Variants in JADE3 observed in about 807,000 individuals in gnomAD.
JADE3 encodes the protein jade family PHD finger 3.
A neutral mutation model predicts 50.1 loss-of-function variants in JADE3; 2 were observed. The observed-to-expected ratio is 0.04, with a 90% CI of 0.02 to 0.13. The LOEUF (loss-of-function observed/expected upper bound fraction) is 0.13. Among genes scored for constraint, JADE3 ranks in the 10% least tolerant of loss-of-function variants. The pLI is 1.00. For missense variants in JADE3, 475 were observed against 634.4 expected, an observed-to-expected ratio of 0.75 and a Z score of 2.70; for synonymous variants, 218 against 232.9, an observed-to-expected ratio of 0.94 and a Z score of 0.58.
At chrX:47,055,692 C>T (rs781938978) in intron 9 of JADE3, among the ~76,000 whole-genome samples, 12 of 111,754 alleles carry the variant, frequency 1.1e-4, no homozygotes, top group Non-Finnish European at 1.9e-4. Flanking sequence ...GTATCCTGCT[C>T]GTCCGGCACT....
At chrX:46,968,944 A>G (rs1927424985) in intron 1 of JADE3, among the ~76,000 whole-genome samples, 1 of 112,402 alleles carries the variant, frequency 8.9e-6, no homozygotes, top group Non-Finnish European at 1.9e-5. Flanking sequence ...GATTTAATTG[A>G]CATTTATAGA....
chrX:46,985,688 A>G (rs1927845361), intron 2 of JADE3, 25 bp from the exon 3 acceptor site: 5 of 1,032,535 alleles, frequency 4.8e-6, no homozygotes, highest in Middle Eastern at 2.8e-4. Flanking sequence ...GTGTCTCAGT[A>G]TTTTTTTCTA....
chrX:46,936,312 C>A (rs1926624012), intron 1 of JADE3, among the ~76,000 whole-genome samples: 1 of 111,978 alleles, frequency 8.9e-6, no homozygotes, highest in Non-Finnish European at 1.9e-5. Context: ...CTGAACCCAA[C>A]CTGCCTTACA....
At chrX:47,048,590 A>G (rs782127329) in intron 8 of JADE3, among the ~76,000 whole-genome samples, 2 of 112,262 alleles carry the variant, frequency 1.8e-5, no homozygotes, top group Admixed American at 9.5e-5. Flanking sequence ...ACACAGCCAC[A>G]TATTGTTGTA....
Position 47,024,745 on chromosome X carries a change from G to C in JADE3, c.306G>C (p.Lys102Asn). 8.4e-7 allele frequency: 1 copy of C among 1,191,012 alleles called. No homozygotes were observed. Among genetic ancestry groups the C allele is most frequent in the East Asian group, 3.0e-5 (1 of 33,531 alleles). The change falls in exon 5 of 11, where the codon AAG becomes AAC. Residue 102 changes from lysine to asparagine, a missense_variant. Transcript: ENST00000614628. ...CTAGGATTATAGCTGAGAAGGTAAA[G>C]GACGTTCTGTTTATCCGACCCCGGA... is the stretch of plus-strand genomic sequence containing the variant. ...PSLRIIAEKV[K>N]DVLFIRPRKY...
At chrX:47,008,585 AG>A (rs200224755) in intron 4 of JADE3, among the ~76,000 whole-genome samples, 1,591 of 112,164 alleles carry the variant, frequency 0.014, 27 homozygotes, top group African/African-American at 0.049. Context: ...ATGGGAAGAT[AG>A]CTTTTTAATG....
At chrX:47,032,472 T>A (rs1183547782) in intron 6 of JADE3, among the ~76,000 whole-genome samples, 6 of 110,545 alleles carry the variant, frequency 5.4e-5, no homozygotes, top group African/African-American at 2.0e-4. Context: ...TGTACAATGG[T>A]ATGAATTCTT....
chrX:46,979,995 T>C (rs1260661097), intron 1 of JADE3, among the ~76,000 whole-genome samples: 1 of 103,352 alleles, frequency 9.7e-6, no homozygotes. Flanking sequence ...TTCTCATGCC[T>C]CAGCCTCCCG....
Position 47,056,178 on chromosome X carries a change from C to T in JADE3, c.1540C>T (p.Leu514Phe). 1.7e-6 allele frequency: 2 copies of T among 1,178,877 alleles called. No individual in the cohort carries two copies. The highest frequency in any genetic ancestry group is 2.3e-6 in the Non-Finnish European group (2 of 866,068). The stretch of plus-strand genomic sequence containing the variant: ...GATCTTCGGTTTGCAAGTCCAGCTT[C>T]TTAACCAAGAAATTGATGCAGGTAA... ...EQIFGLQVQL[L>F]NQEIDAGLPL... Residue 514 changes from leucine (L) to phenylalanine (F), a missense_variant, in exon 10 of 11, where the codon CTT (leucine) becomes TTT (phenylalanine). By Grantham distance (22) the Leu-to-Phe change is conservative. Transcript: ENST00000614628.
rs781903267 is a variant in JADE3 at position 47,051,351 on chromosome X, GC to G, written c.973-2805del. Reference sequence around the variant, plus strand: ...TTCTCAATCTAAGATGATCTATTGGGCCTTTGCATTCTTTTTGTCTTTATTC... The same window carrying G: ...TTCTCAATCTAAGATGATCTATTGGGCTTTGCATTCTTTTTGTCTTTATTC... On this transcript the variant is annotated intron_variant, in intron 8 of 10. Coordinates refer to ENST00000614628, the MANE Select transcript of JADE3 (RefSeq NM_014735.5). 2.1e-4 allele frequency among the ~76,000 whole-genome samples: 24 copies of G among 112,023 alleles called. 1 individual carries two copies. The East Asian group carries it at 6.1e-3, about 29-fold the overall frequency.
Position 46,948,832 on chromosome X carries a change from C to T in JADE3, c.-11-36052C>T, listed in dbSNP as rs782525673. On this transcript the variant is annotated intron_variant, in intron 1 of 10. Transcript: ENST00000614628. ...CCCCTTTCTTCTACCGCAGGGGTTA[C>T]CAGGTTACTGCTATCTTGAATTCTG... Among the ~76,000 whole-genome samples the T allele has an allele frequency of 2.3e-3, 263 of 111,923 alleles. 2 individuals carry two copies. The highest frequency in any genetic ancestry group is 9.1e-3 in the Middle Eastern group (2 of 219).
In JADE3 at chrX:47,058,153, CT is replaced by C; in HGVS notation, c.1562-8del. ...AAATCGGTTGTTAAAACGAATCTTT[CT>C]TTTTTATCTCAGGGCTTCCTTTGAC... On this transcript the variant is annotated splice_polypyrimidine_tract_variant and intron_variant, in intron 10 of 10. Coordinates refer to ENST00000614628, the MANE Select transcript of JADE3 (RefSeq NM_014735.5). The C allele has an allele frequency of 8.4e-7, 1 of 1,186,721 alleles. No homozygotes were observed. Among genetic ancestry groups the C allele is most frequent in the South Asian group, 1.8e-5 (1 of 54,261 alleles).
chrX:46,984,313 C>T (rs782708234), intron 1 of JADE3, among the ~76,000 whole-genome samples: 1 of 111,821 alleles, frequency 8.9e-6, no homozygotes, highest in Non-Finnish European at 1.9e-5. Context: ...GTTTAACATT[C>T]CTTGTAGTGT....
intron 8 of JADE3, among the ~76,000 whole-genome samples, chrX:47,043,745 G>T (rs782355342): frequency 9.2e-6 from 1 of 108,437 alleles, no homozygotes; most frequent in Non-Finnish European, 1.9e-5. Flanking sequence ...TGTGAACCTG[G>T]GAGGCGGAGC....
At chrX:46,978,979 A>G (rs913901977) in intron 1 of JADE3, among the ~76,000 whole-genome samples, 25 of 112,535 alleles carry the variant, frequency 2.2e-4, no homozygotes, top group Non-Finnish European at 4.3e-4. Context: ...TCCTACAATA[A>G]TTAAAACAGC....
At chrX:47,001,131 TGGTA>T (rs1928275715) in intron 4 of JADE3, among the ~76,000 whole-genome samples, 1 of 112,096 alleles carries the variant, frequency 8.9e-6, no homozygotes, top group African/African-American at 3.2e-5. Context: ...TGGTTGCTCT[TGGTA>T]GGTATATCAG....
intron 4 of JADE3, among the ~76,000 whole-genome samples, chrX:47,009,215 G>A (rs894223706): frequency 9.0e-6 from 1 of 110,854 alleles, no homozygotes; most frequent in Non-Finnish European, 1.9e-5. Flanking sequence ...GGAGCTGCTC[G>A]GGAGGCCGAG....
intron 2 of JADE3, 90 bp from the exon 3 acceptor site, chrX:46,985,623 A>G: frequency 1.7e-6 from 1 of 593,215 alleles, no homozygotes; most frequent in East Asian, 3.5e-5. Flanking sequence ...CATATTTTTC[A>G]TATTCTCTTG....
intron 3 of JADE3, 104 bp from the exon 4 acceptor site, chrX:46,998,016 G>A (rs1412174949): frequency 1.6e-6 from 1 of 637,203 alleles, no homozygotes; most frequent in African/African-American, 2.2e-5. Flanking sequence ...TGTTTCTCTT[G>A]TTGGAAGCAG....
Sources: allele counts gnomAD v4.1 joint callset (sites outside exome capture counted in the v4.1 genomes callset), GRCh38; gene constraint gnomAD v4.1.1; transcripts MANE v1.5; gene names NCBI Gene and HGNC (gene_info 2026-07-23, HGNC 2026-07-21).